The following TUBA3C variants were observed in gnomAD, a reference collection of about 807,000 sequenced individuals.
TUBA3C encodes the protein tubulin alpha 3c.
Under a neutral mutation model 33.4 loss-of-function variants are expected in TUBA3C, and 23 were observed. The ratio of observed to expected loss-of-function variants is 0.69; its 90% CI spans 0.50 to 0.98. The LOEUF is 0.98. TUBA3C is among the 50% of genes least tolerant of loss of function. The pLI, the probability that TUBA3C is intolerant of heterozygous loss-of-function variation, is 0.00. For synonymous variants in TUBA3C, 269 were observed against 250.4 expected, an observed-to-expected ratio of 1.07 and a Z score of -0.70; for missense variants, 402 against 616.0, an observed-to-expected ratio of 0.65 and a Z score of 3.68.
chr13:19,174,202 A>C, intron 4 of TUBA3C, 43 bp from the exon 5 acceptor site: 1 of 1,561,906 alleles, frequency 6.4e-7, no homozygotes, highest in Non-Finnish European at 8.7e-7. Context: ...GCTTATATCA[A>C]ACCTGGAAAT....
rs759373412 is a variant in TUBA3C at position 19,179,333 on chromosome 13, G to T, written c.226+8C>A. ...AAGAAAGCTGCCATCCAGGACCCGA[G>T]CACCTACCGACCACAGTGGGCTCCA... On this transcript the variant is annotated splice_region_variant and intron_variant, in intron 2 of 4. Transcript: ENST00000400113. 2 of 1,613,906 alleles carry T rather than the reference G, an allele frequency of 1.2e-6. No individual in the cohort carries two copies. Among genetic ancestry groups the T allele is most frequent in the Non-Finnish European group, 1.7e-6 (2 of 1,179,816 alleles).
chr13:19,179,453 A>C lies in TUBA3C; in HGVS notation c.114T>G (p.Ser38Arg), dbSNP rs752817555. ...HGIQPDGQMP[S>R]DKTIGGGDDS... ...CGTCCCCACCACCAATGGTTTTATC[A>C]CTTGGCATCTGACCATCGGGCTGAA... Residue 38 changes from serine to arginine, a missense_variant, in exon 2 of 5, where the codon AGT (serine) becomes AGG (arginine). Transcript: ENST00000400113. The C allele has an allele frequency of 1.2e-5, 19 of 1,613,920 alleles. No homozygotes were observed. In the Admixed American group the frequency reaches 3.2e-4, roughly 27 times the overall value.
intron 2 of TUBA3C, among the ~76,000 whole-genome samples, chr13:19,178,684 C>A (rs772307457): frequency 2.6e-5 from 4 of 152,204 alleles, no homozygotes; most frequent in Non-Finnish European, 4.4e-5. Context: ...CCAGCACCCC[C>A]ACACAGGTAA....
chr13:19,179,625 T>G, intron 1 of TUBA3C, 62 bp from the exon 2 acceptor site: 1 of 1,542,710 alleles, frequency 6.5e-7, no homozygotes, highest in Non-Finnish European at 8.7e-7. Flanking sequence ...CTATATGGTA[T>G]GCAAAATATT....
chr13:19,181,452 A>G (rs1869414104), intron 1 of TUBA3C, among the ~76,000 whole-genome samples: 1 of 152,086 alleles, frequency 6.6e-6, no homozygotes, highest in Non-Finnish European at 1.5e-5. Flanking sequence ...TGTCTTCAGG[A>G]GGCGGCACCA....
At chr13:19,181,446 T>C (rs1385700130) in intron 1 of TUBA3C, among the ~76,000 whole-genome samples, 1 of 152,154 alleles carries the variant, frequency 6.6e-6, no homozygotes, top group East Asian at 1.9e-4. Context: ...CCCTTCTGTC[T>C]TCAGGAGGCG....
intron 4 of TUBA3C, among the ~76,000 whole-genome samples, chr13:19,174,883 G>A (rs1321123597): frequency 6.6e-6 from 1 of 151,636 alleles, no homozygotes; most frequent in Non-Finnish European, 1.5e-5. Context: ...GATTGCTTGA[G>A]CCTGGAGGGC....
intron 2 of TUBA3C, 83 bp downstream of exon 2, chr13:19,179,258 T>C: frequency 1.3e-6 from 2 of 1,573,974 alleles, no homozygotes; most frequent in Non-Finnish European, 8.6e-7. Context: ...TGCAGGAGGA[T>C]TCAAAGGAGC....
chr13:19,174,030 C>T lies in TUBA3C; in HGVS notation c.1186G>A (p.Asp396Asn), dbSNP rs994945064. Reference sequence around the variant, plus strand: ...AAGGCCCGCTTGGCATACATGAGATCGAACTTATGGTCCAGGCGAGCCCAG... The same window carrying T: ...AAGGCCCGCTTGGCATACATGAGATTGAACTTATGGTCCAGGCGAGCCCAG... ...EAWARLDHKFDLMYAKRAFVH... is the reference protein window; with the variant it reads ...EAWARLDHKFNLMYAKRAFVH... Residue 396 changes from aspartate to asparagine, a missense_variant, in exon 5 of 5, where the codon GAT becomes AAT. Coordinates refer to ENST00000400113, the MANE Select transcript of TUBA3C (RefSeq NM_006001.3). 1.2e-6 allele frequency: 2 copies of T among 1,613,670 alleles called. No homozygotes were observed. The highest frequency in any genetic ancestry group is 4.5e-5 in the East Asian group (2 of 44,612).
At chr13:19,175,212 A>G (rs535184529) in intron 4 of TUBA3C, among the ~76,000 whole-genome samples, 89 of 152,300 alleles carry the variant, frequency 5.8e-4, no homozygotes, top group African/African-American at 2.0e-3. Flanking sequence ...AGATCACGCC[A>G]CTGCACTCCA....
Position 19,177,485 on chromosome 13 carries a change from C to T in TUBA3C, c.498G>A (p.Lys166=), listed in dbSNP as rs1450374973. The T allele has an allele frequency of 3.7e-6, 6 of 1,613,984 alleles. No homozygotes were observed. In the South Asian group the frequency reaches 4.4e-5, roughly 12 times the overall value. ...RLSVDYGKKS[K]LEFAIYPAPQ... is the part of the protein sequence containing the mutation. ...GGGCTGGGTAAATGGCAAATTCTAG[C>T]TTGGACTTCTTGCCGTAATCCACTG... Residue 166 remains lysine, a synonymous_variant, in exon 4 of 5, where the codon AAG becomes AAA. Transcript: ENST00000400113. The surrounding 1 kb of genome is among the most constrained non-coding windows in gnomAD (Gnocchi z 5.0).
chr13:19,177,627 A>G lies in TUBA3C; in HGVS notation c.376-20T>C, dbSNP rs768349250. On this transcript the variant is annotated intron_variant, in intron 3 of 4. Coordinates refer to ENST00000400113, the MANE Select transcript of TUBA3C (RefSeq NM_006001.3). This position sits in a 1 kb window ranked among gnomAD's most constrained non-coding sequence, Gnocchi z 5.0. ...ATCCGCCTGAGGGAAACCAGACAAC[A>G]TGAATCAATGCCCGTGGAAGCCACA... 1.7e-5 allele frequency: 26 copies of G among 1,542,774 alleles called. No homozygotes were observed. Among genetic ancestry groups the G allele is most frequent in the African/African-American group, 1.4e-5 (1 of 72,622 alleles).
intron 2 of TUBA3C, among the ~76,000 whole-genome samples, chr13:19,178,740 C>T (rs1187849430): frequency 6.6e-6 from 1 of 152,196 alleles, no homozygotes; most frequent in East Asian, 1.9e-4. Flanking sequence ...ACATCGAAGG[C>T]TGTAAGTTAA....
chr13:19,179,601 A>G (rs1043432727), intron 1 of TUBA3C, 38 bp from the exon 2 acceptor site: 1 of 1,597,830 alleles, frequency 6.3e-7, no homozygotes. Flanking sequence ...CATTCATTTC[A>G]AGGCAACTTG....
At chr13:19,179,108 C>T (rs1426203194) in intron 2 of TUBA3C, among the ~76,000 whole-genome samples, 1 of 152,194 alleles carries the variant, frequency 6.6e-6, no homozygotes, top group Admixed American at 6.5e-5. Context: ...CTCCACAGCC[C>T]ATCTTACTGT....
Position 19,180,449 on chromosome 13 carries a change from G to A in TUBA3C, c.4-886C>T, listed in dbSNP as rs566757495. Among the ~76,000 whole-genome samples, 9 of 152,158 alleles carry A rather than the reference G, an allele frequency of 5.9e-5. No individual in the cohort carries two copies. In the South Asian group the frequency reaches 1.7e-3, roughly 28 times the overall value. On this transcript the variant is annotated intron_variant, in intron 1 of 4. Coordinates refer to ENST00000400113, the MANE Select transcript of TUBA3C (RefSeq NM_006001.3). Reference sequence around the variant, plus strand: ...TGCCTGTAATTCCAGCACTTTGGGAGGCTGAGCTGAGATCGCTTGGGACCA... The same window carrying A: ...TGCCTGTAATTCCAGCACTTTGGGAAGCTGAGCTGAGATCGCTTGGGACCA...
intron 1 of TUBA3C, among the ~76,000 whole-genome samples, chr13:19,180,457 T>G (rs1381238718): frequency 1.3e-5 from 2 of 152,000 alleles, no homozygotes; most frequent in African/African-American, 4.8e-5. Flanking sequence ...GAGGCTGAGC[T>G]GAGATCGCTT....
chr13:19,178,478 A>G, intron 2 of TUBA3C, 84 bp from the exon 3 acceptor site: 1 of 1,555,126 alleles, frequency 6.4e-7, no homozygotes, highest in Admixed American at 1.8e-5. Flanking sequence ...TCACTTCTAC[A>G]AAGTACATGC....
At chr13:19,176,287 A>G (rs1869176821) in intron 4 of TUBA3C, among the ~76,000 whole-genome samples, 1 of 151,962 alleles carries the variant, frequency 6.6e-6, no homozygotes, top group East Asian at 1.9e-4. Flanking sequence ...GTAGTGGTGC[A>G]TGTCTGTGGT....
Sources: gnomAD v4.1 joint callset for allele counts (sites outside exome capture counted in the v4.1 genomes callset) on GRCh38, gnomAD v4.1.1 for gene constraint, Gnocchi (gnomAD v3.1) non-coding constraint, MANE v1.5 for transcripts, NCBI Gene and HGNC (gene_info 2026-07-23, HGNC 2026-07-21) for gene names.